Variants in FOXP1 observed in about 807,000 individuals in gnomAD.
FOXP1 encodes forkhead box P1.
In FOXP1, 15 loss-of-function variants were observed where a neutral mutation model predicts 98.2. The ratio of observed to expected loss-of-function variants is 0.15; its 90% CI spans 0.10 to 0.24. FOXP1 has a LOEUF of 0.24. Among genes scored for constraint, FOXP1 ranks in the 10% least tolerant of loss-of-function variants. FOXP1 has a pLI of 1.00. For synonymous variants in FOXP1, 371 were observed against 314.5 expected (o/e 1.18, Z -1.90); for missense variants, 633 against 848.5 (o/e 0.75, Z 3.15).
At chr3:70,992,542 T>C (rs533530446) in intron 13 of FOXP1, among the ~76,000 whole-genome samples, 2 of 152,196 alleles carry the variant, frequency 1.3e-5, no homozygotes, top group African/African-American at 4.8e-5. Context: ...CAGAACTTAG[T>C]ACCAGTGAAA....
chr3:71,414,912 T>C (rs1196194275), intron 3 of FOXP1, among the ~76,000 whole-genome samples: 2 of 152,264 alleles, frequency 1.3e-5, no homozygotes, highest in Non-Finnish European at 2.9e-5. Flanking sequence ...TGGCTTCACA[T>C]TAATAATCCA....
At chr3:71,064,797 C>A in intron 7 of FOXP1, 1 of 984,862 alleles carries the variant, frequency 1.0e-6, no homozygotes, top group African/African-American at 1.7e-5. Flanking sequence ...AGAGCGAAAC[C>A]GGCAAAGATC....
rs529252081 is a variant in FOXP1, at chr3:71,366,985, C to T, written c.-167-7741G>A. On this transcript the variant is annotated intron_variant, in intron 3 of 20. Transcript: ENST00000649528. ...GTAAAATTATACTTTCTCCTCTTCC[C>T]TTTTTCCATGATGGCACACAATAAT... Among the ~76,000 whole-genome samples, 13 of 152,272 alleles carry T rather than the reference C, an allele frequency of 8.5e-5. No individual in the cohort carries two copies. The East Asian group carries it at 2.5e-3, about 29-fold the overall frequency.
At chr3:71,038,969 T>C (rs919973882) in intron 11 of FOXP1, among the ~76,000 whole-genome samples, 6 of 152,176 alleles carry the variant, frequency 3.9e-5, no homozygotes, top group African/African-American at 1.4e-4. Flanking sequence ...CCAGGCCTAA[T>C]TGATTTTTTA....
chr3:71,471,778 T>C (rs1319010096), intron 3 of FOXP1, among the ~76,000 whole-genome samples: 1 of 152,200 alleles, frequency 6.6e-6, no homozygotes, highest in African/African-American at 2.4e-5. Context: ...TTAAGAATCA[T>C]ATAATCCTGG....
At chr3:70,971,132 A>G (rs1293752611) in intron 18 of FOXP1, 1 of 364,396 alleles carries the variant, frequency 2.7e-6, no homozygotes, top group African/African-American at 2.1e-5. Flanking sequence ...GGAAGGCAGC[A>G]GCCTAGGAGG....
At chr3:71,011,219 A>G (rs2043559378) in intron 12 of FOXP1, among the ~76,000 whole-genome samples, 1 of 152,124 alleles carries the variant, frequency 6.6e-6, no homozygotes. Context: ...TCATTTTTAC[A>G]TTCTTGAAGC....
At chr3:71,169,620 C>A (rs1213228455) in intron 6 of FOXP1, among the ~76,000 whole-genome samples, 1 of 151,508 alleles carries the variant, frequency 6.6e-6, no homozygotes, top group African/African-American at 2.4e-5. Context: ...CCGCCCCCCG[C>A]AAATGTATCT....
intron 12 of FOXP1, among the ~76,000 whole-genome samples, chr3:71,004,082 C>T (rs1035665686): frequency 1.3e-5 from 1 of 76,592 alleles, no homozygotes; most frequent in Non-Finnish European, 2.4e-5. Context: ...TAAGTGGAAC[C>T]CTACATCCCC....
intron 6 of FOXP1, among the ~76,000 whole-genome samples, chr3:71,124,449 T>C (rs2059010335): frequency 6.6e-6 from 1 of 151,962 alleles, no homozygotes; most frequent in Non-Finnish European, 1.5e-5. Flanking sequence ...GTTTAAAGTA[T>C]GTAAAATAAC....
At chr3:71,479,577 G>A (rs1482230069) in intron 3 of FOXP1, among the ~76,000 whole-genome samples, 1 of 151,606 alleles carries the variant, frequency 6.6e-6, no homozygotes, top group Non-Finnish European at 1.5e-5. Context: ...TACTCAGGAG[G>A]CTGAGGCAGG....
At chr3:71,052,795 G>A (rs1480188652) in intron 8 of FOXP1, among the ~76,000 whole-genome samples, 169 bp from the exon 9 acceptor site, 1 of 152,132 alleles carries the variant, frequency 6.6e-6, no homozygotes, top group Non-Finnish European at 1.5e-5. Flanking sequence ...ACTATTCTTG[G>A]CATTATTGTT....
At chr3:71,516,584 G>A (rs1379285716) in intron 2 of FOXP1, among the ~76,000 whole-genome samples, 3 of 152,180 alleles carry the variant, frequency 2.0e-5, no homozygotes, top group African/African-American at 7.2e-5. Flanking sequence ...GGTGGCTCAT[G>A]CCTGTAATCC....
At chr3:70,990,033 C>T (rs145597615) in intron 13 of FOXP1, among the ~76,000 whole-genome samples, 2 of 152,178 alleles carry the variant, frequency 1.3e-5, no homozygotes, top group South Asian at 2.1e-4. Context: ...TAACTGCCAT[C>T]GGAAACATTT....
chr3:71,305,249 C>T (rs1576880790), intron 4 of FOXP1, among the ~76,000 whole-genome samples: 1 of 152,140 alleles, frequency 6.6e-6, no homozygotes, highest in Non-Finnish European at 1.5e-5. Context: ...ATTCCTAGAG[C>T]AAACAGTTAA....
At position 71,409,860 on chromosome 3, in the gene FOXP1, A is replaced by G. The variant is rs141164574; in HGVS notation, c.-167-50616T>C. Among the ~76,000 whole-genome samples, 50 of 152,232 alleles carry G rather than the reference A, an allele frequency of 3.3e-4. 1 individual carries two copies. Among genetic ancestry groups the G allele is most frequent in the African/African-American group, 1.0e-3 (43 of 41,554 alleles). Reference sequence around the variant, plus strand: ...AAAACCTTGTCTCTGCTAAAAATACAAAAAATTAGCCAGGTGTGGTAGCAT... The same window carrying G: ...AAAACCTTGTCTCTGCTAAAAATACGAAAAATTAGCCAGGTGTGGTAGCAT... On this transcript the variant is annotated intron_variant, in intron 3 of 20. Transcript: ENST00000649528.
chr3:71,059,015 C>G (rs903415958), intron 7 of FOXP1, among the ~76,000 whole-genome samples: 1 of 152,076 alleles, frequency 6.6e-6, no homozygotes, highest in Admixed American at 6.5e-5. Context: ...AGCACTAAGG[C>G]AGGTAATGGT....
chr3:71,015,764 C>T (rs1046979443), intron 11 of FOXP1, 111 bp from the exon 12 acceptor site: 1 of 692,318 alleles, frequency 1.4e-6, no homozygotes, highest in Non-Finnish European at 2.6e-6. Flanking sequence ...GTGGACAAGA[C>T]AAATCTGTGA....
At chr3:71,373,421 T>C (rs1052655196) in intron 3 of FOXP1, among the ~76,000 whole-genome samples, 6 of 152,212 alleles carry the variant, frequency 3.9e-5, no homozygotes, top group African/African-American at 1.4e-4. Flanking sequence ...GAGTTGTACC[T>C]GGCAGTTCAA....
Sources: gnomAD v4.1 joint callset for allele counts (sites outside exome capture counted in the v4.1 genomes callset) on GRCh38, gnomAD v4.1.1 for gene constraint, MANE v1.5 for transcripts, NCBI Gene and HGNC (gene_info 2026-07-23, HGNC 2026-07-21) for gene names.